HEATR5B: variants seen among roughly 807,000 people sequenced by gnomAD.
HEATR5B encodes the protein HEAT repeat containing 5B, also known as HEAT repeat-containing protein 5B.
HEATR5B carries 156 observed loss-of-function variants against 224.1 expected under a neutral mutation model. The ratio of observed to expected loss-of-function variants is 0.70; its 90% CI spans 0.61 to 0.80. The LOEUF (loss-of-function observed/expected upper bound fraction) is 0.80, where lower values mean the gene tolerates loss of function less well. Ranked by LOEUF, HEATR5B falls within the 30% of genes least tolerant of loss-of-function variation. The pLI is 0.00. For synonymous variants in HEATR5B, 1,027 were observed against 893.0 expected, an observed-to-expected ratio of 1.15 and a Z score of -2.68; for missense variants, 2,323 against 2,535.5, an observed-to-expected ratio of 0.92 and a Z score of 1.80.
At chr2:37,067,705 G>A (rs1671669502) in intron 8 of HEATR5B, among the ~76,000 whole-genome samples, 1 of 152,184 alleles carries the variant, frequency 6.6e-6, no homozygotes, top group Non-Finnish European at 1.5e-5. Flanking sequence ...CTGAGAGGTG[G>A]AGGTTGTAGT....
At chr2:37,049,587 G>C in intron 18 of HEATR5B, 66 bp downstream of exon 18, 3 of 1,379,072 alleles carry the variant, frequency 2.2e-6, no homozygotes, top group Non-Finnish European at 3.1e-6. Context: ...ATAAACTCCA[G>C]TTGATTATTA....
intron 25 of HEATR5B, 104 bp downstream of exon 25, chr2:37,020,551 T>G (rs530452769): frequency 2.7e-6 from 2 of 734,612 alleles, no homozygotes; most frequent in Admixed American, 3.3e-5. Flanking sequence ...TCTACAGAAA[T>G]AAACAGATTG....
chr2:37,017,687 CAAAAAAAAA>C (rs1056240189), intron 26 of HEATR5B, among the ~76,000 whole-genome samples: 5 of 61,696 alleles, frequency 8.1e-5, no homozygotes, highest in East Asian at 4.0e-4. Context: ...AATTCCGTCT[CAAAAAAAAA>C]AAAAAAAAAA....
intron 35 of HEATR5B, among the ~76,000 whole-genome samples, chr2:36,985,628 T>TA (rs1233940213): frequency 6.9e-6 from 1 of 144,502 alleles, no homozygotes; most frequent in Admixed American, 6.8e-5. Context: ...TGGCTTTTTT[T>TA]TTTTTTTTTT....
intron 18 of HEATR5B, among the ~76,000 whole-genome samples, chr2:37,042,248 T>C (rs1024930408): frequency 6.6e-5 from 10 of 152,208 alleles, no homozygotes; most frequent in Non-Finnish European, 1.3e-4. Flanking sequence ...AACAGAGATG[T>C]CCAAGATGAA....
chr2:36,994,846 G>A (rs1395615010), intron 33 of HEATR5B, among the ~76,000 whole-genome samples: 1 of 152,062 alleles, frequency 6.6e-6, no homozygotes, highest in African/African-American at 2.4e-5. Flanking sequence ...CCGCCCCCGG[G>A]TTCACGCCAT....
rs1452685694 is a variant in HEATR5B at position 37,054,626 on chromosome 2, A to G, written c.2400-1019T>C. Among the ~76,000 whole-genome samples the G allele has an allele frequency of 2.0e-5, 3 of 151,276 alleles. No individual in the cohort carries two copies. In the East Asian group the frequency reaches 5.8e-4, roughly 29 times the overall value. The stretch of plus-strand genomic sequence containing the variant: ...CAGCCTCCCGAGTAGCTGGGACTAC[A>G]GGTGTTCGCCACTACACCCAGCTAA... On this transcript the variant is annotated intron_variant, in intron 16 of 35. Transcript: ENST00000233099.
rs1237540847 is a variant in HEATR5B, at chr2:36,994,547, C to T, written c.5546-3748G>A. Reference sequence around the variant, plus strand: ...AATATGCCTGTGGCTTTGATCCCTACTTCATAACTGGCTGTGTCTCCTATG... The same window carrying T: ...AATATGCCTGTGGCTTTGATCCCTATTTCATAACTGGCTGTGTCTCCTATG... On this transcript the variant is annotated intron_variant, in intron 33 of 35. Transcript: ENST00000233099. Among the ~76,000 whole-genome samples the T allele has an allele frequency of 1.3e-5, 2 of 152,134 alleles. 1 individual carries two copies. The highest frequency in any genetic ancestry group is 3.9e-4 in the East Asian group (2 of 5,190).
intron 33 of HEATR5B, among the ~76,000 whole-genome samples, chr2:36,999,184 A>T (rs2148364289): frequency 6.6e-6 from 1 of 152,168 alleles, no homozygotes; most frequent in South Asian, 2.1e-4. Context: ...GCGCCACTGC[A>T]CTCCAGCCTT....
chr2:36,984,225 T>TATATATATATATA lies in HEATR5B; in HGVS notation c.5912-2444_5912-2432dup, dbSNP rs1553411519. On this transcript the variant is annotated intron_variant, in intron 35 of 35. Coordinates refer to ENST00000233099, the MANE Select transcript of HEATR5B (RefSeq NM_019024.3). ...CAAAAAAAAAAAAAAAATATATATA[T>TATATATATATATA]ATATATATATATAAAACTGGAAAAA... Among the ~76,000 whole-genome samples the TATATATATATATA allele has an allele frequency of 6.6e-3, 496 of 74,876 alleles. 4 individuals carry two copies. Among genetic ancestry groups the TATATATATATATA allele is most frequent in the Non-Finnish European group, 9.3e-3 (359 of 38,738 alleles). The allele number at this position is 74,876 out of a possible 152,430, so 49.1% of individuals were successfully genotyped here.
chr2:37,041,034 G>C (rs1558332384), intron 19 of HEATR5B, 99 bp downstream of exon 19: 1 of 906,824 alleles, frequency 1.1e-6, no homozygotes, highest in East Asian at 2.6e-5. Context: ...TAATATATTT[G>C]TCCTAACAAC....
intron 2 of HEATR5B, 107 bp downstream of exon 2, chr2:37,083,182 A>C: frequency 7.8e-7 from 1 of 1,278,590 alleles, no homozygotes; most frequent in Non-Finnish European, 1.1e-6. Context: ...CTCAAGTTCC[A>C]TAAGTGACCC....
chr2:37,048,765 T>G (rs1649142423), intron 18 of HEATR5B, among the ~76,000 whole-genome samples: 1 of 152,250 alleles, frequency 6.6e-6, no homozygotes, highest in Admixed American at 6.5e-5. Context: ...GTCTTTTGCC[T>G]GCTCATACTA....
chr2:37,068,785 G>A lies in HEATR5B; in HGVS notation c.1073C>T (p.Ser358Phe), dbSNP rs540012012. The A allele has an allele frequency of 3.1e-6, 5 of 1,614,114 alleles. No homozygotes were observed. The highest frequency in any genetic ancestry group is 4.2e-6 in the Non-Finnish European group (5 of 1,180,022). The change falls in exon 8 of 36, where the codon TCC becomes TTC. Residue 358 changes from serine to phenylalanine, a missense_variant. By Grantham distance (155) the Ser-to-Phe change is radical (BLOSUM62 -2). Coordinates refer to ENST00000233099, the MANE Select transcript of HEATR5B (RefSeq NM_019024.3). ...VEAVYSRRCV[S>F]FILRATVGSL... is the part of the protein sequence containing the mutation. The stretch of plus-strand genomic sequence containing the variant: ...GCCCACAGTAGCTCTTAGGATAAAG[G>A]AAACACATCGTCTGGAGTACACAGC...
intron 7 of HEATR5B, among the ~76,000 whole-genome samples, chr2:37,069,409 T>A (rs1300984700): frequency 2.0e-5 from 3 of 152,236 alleles, no homozygotes; most frequent in Non-Finnish European, 4.4e-5. Flanking sequence ...CATTTCATCT[T>A]ATTAGGTGTT....
intron 10 of HEATR5B, among the ~76,000 whole-genome samples, 170 bp downstream of exon 10, chr2:37,064,570 A>G (rs1331719524): frequency 6.6e-6 from 1 of 152,142 alleles, no homozygotes; most frequent in African/African-American, 2.4e-5. Flanking sequence ...ATCAGAATTA[A>G]ATATCAAATT....
intron 10 of HEATR5B, among the ~76,000 whole-genome samples, chr2:37,062,303 A>T (rs762996194): frequency 1.3e-4 from 20 of 151,908 alleles, no homozygotes; most frequent in Non-Finnish European, 2.9e-4. Context: ...GGTGGTGGGC[A>T]CCTGTAGTCC....
chr2:36,989,846 C>T (rs973691289), intron 34 of HEATR5B, among the ~76,000 whole-genome samples: 1 of 150,840 alleles, frequency 6.6e-6, no homozygotes, highest in African/African-American at 2.4e-5. Flanking sequence ...CTTGGAGCCA[C>T]CTATCTGGAG....
At chr2:37,062,566 G>T (rs541046317) in intron 10 of HEATR5B, among the ~76,000 whole-genome samples, 1 of 152,278 alleles carries the variant, frequency 6.6e-6, no homozygotes, top group East Asian at 1.9e-4. Flanking sequence ...CAAGCTCTAG[G>T]GCCAAATGCC....
Sources: allele counts gnomAD v4.1 joint callset (sites outside exome capture counted in the v4.1 genomes callset), GRCh38; gene constraint gnomAD v4.1.1; transcripts MANE v1.5; gene names NCBI Gene and HGNC (gene_info 2026-07-23, HGNC 2026-07-21).